Variants in SELPLG observed in about 807,000 individuals in gnomAD.
SELPLG encodes the protein selectin P ligand.
Under a neutral mutation model 1.1 loss-of-function variants are expected in SELPLG, and 2 were observed. That is an observed-to-expected ratio of 1.82 (90% confidence interval 0.74 to 5.71). The LOEUF (loss-of-function observed/expected upper bound fraction) is 5.71, where lower values mean the gene tolerates loss of function less well. Ranked by LOEUF, SELPLG falls within the 30% of genes most tolerant of loss-of-function variation. SELPLG has a pLI of 0.05. For synonymous variants in SELPLG, 230 were observed against 221.2 expected (o/e 1.04, Z -0.35); for missense variants, 478 against 524.7 (o/e 0.91, Z 0.87).
rs769253606 is a variant in SELPLG, at chr12:108,624,216, G to C, written c.92C>G (p.Ala31Gly). The change falls in exon 2 of 2, where the codon GCC becomes GGC. Residue 31 changes from alanine to glycine, a missense_variant. Transcript: ENST00000550948. ...WDTWADEAEKALGPLLARDRR... is the reference protein window; with the variant it reads ...WDTWADEAEKGLGPLLARDRR... ...GTCCCGGGCAAGCAGGGGACCCAAG[G>C]CTTTCTCGGCTTCATCTGCCCAGGT... The C allele has an allele frequency of 2.5e-6, 4 of 1,614,102 alleles. No individual in the cohort carries two copies. In the African/African-American group the frequency reaches 5.3e-5, roughly 22 times the overall value.
chr12:108,623,093 G>A lies in SELPLG; in HGVS notation c.1215C>T (p.Leu405=), dbSNP rs775356249. ...EPREDREGDD[L]TLHSFLP Reference sequence around the variant, plus strand: ...GCTAAGGGAGGAAGCTGTGCAGGGTGAGGTCATCCCCCTCACGGTCCTCCC... The same window carrying A: ...GCTAAGGGAGGAAGCTGTGCAGGGTAAGGTCATCCCCCTCACGGTCCTCCC... Residue 405 remains leucine, a synonymous_variant, in exon 2 of 2, where the codon CTC becomes CTT. Coordinates refer to ENST00000550948, the MANE Select transcript of SELPLG (RefSeq NM_003006.4). 6.6e-6 allele frequency: 10 copies of A among 1,523,768 alleles called. No individual in the cohort carries two copies. The highest frequency in any genetic ancestry group is 1.4e-5 in the African/African-American group (1 of 72,170). The allele number at this position is 1,523,768 out of a possible 1,614,324, so 94.4% of individuals were successfully genotyped here. A position where few individuals can be genotyped will look rare whatever the true frequency, so the allele number is the denominator to read the frequency against.
Position 108,623,193 on chromosome 12 carries a change from C to A in SELPLG, c.1115G>T (p.Gly372Val), listed in dbSNP as rs774445083. The A allele has an allele frequency of 6.2e-7, 1 of 1,613,982 alleles. No homozygotes were observed. The highest frequency in any genetic ancestry group is 1.7e-5 in the Admixed American group (1 of 59,992). Residue 372 changes from glycine to valine, a missense_variant, in exon 2 of 2, where the codon GGG becomes GTG. By Grantham distance (109) the Gly-to-Val change is moderately radical. Coordinates refer to ENST00000550948, the MANE Select transcript of SELPLG (RefSeq NM_003006.4). ...MVCISSLLPD[G>V]GEGPSATANG... ...GGCTGTGGCAGAGGGCCCCTCACCC[C>A]CATCAGGCAACAGGGATGAGATGCA...
In SELPLG at chr12:108,632,148, G is replaced by A. The variant is rs927127209; in HGVS notation, c.-6+1592C>T. 7.0e-5 allele frequency: 39 copies of A among 556,502 alleles called. No homozygotes were observed. The Admixed American group carries it at 7.0e-4, about 10-fold the overall frequency. The allele number at this position is 556,502 out of a possible 1,614,324, so 34.5% of individuals were successfully genotyped here. On this transcript the variant is annotated intron_variant, in intron 1 of 1. Transcript: ENST00000550948. Reference sequence around the variant, plus strand: ...CAACCCAGCCCTTCCGCTCTCTGAGGTTTAACTCCCCTGGCTGCTGGCCAA... The same window carrying A: ...CAACCCAGCCCTTCCGCTCTCTGAGATTTAACTCCCCTGGCTGCTGGCCAA...
rs1565888198 is a variant in SELPLG at position 108,623,330 on chromosome 12, G to A, written c.978C>T (p.Ile326=). 6.2e-7 allele frequency: 1 copy of A among 1,614,276 alleles called. No homozygotes were observed. The highest frequency in any genetic ancestry group is 8.5e-7 in the Non-Finnish European group (1 of 1,180,052). The change falls in exon 2 of 2, where the codon ATC becomes ATT. Residue 326 remains isoleucine, a synonymous_variant. Coordinates refer to ENST00000550948, the MANE Select transcript of SELPLG (RefSeq NM_003006.4). ...SVKQCLLAIL[I]LALVATIFFV... is the part of the protein sequence containing the mutation. ...AGAAGATAGTGGCCACCAGCGCCAA[G>A]ATTAGGATGGCCAGCAGGCACTGCT...
In SELPLG at chr12:108,632,374, A is replaced by C. The variant is rs551327355; in HGVS notation, c.-6+1366T>G. On this transcript the variant is annotated intron_variant, in intron 1 of 1. Coordinates refer to ENST00000550948, the MANE Select transcript of SELPLG (RefSeq NM_003006.4). ...AGAATTCCAGGCAACAGAAGCCCAG[A>C]TATCGACAATATGGGGTGTGTGTGT... 6.2e-5 allele frequency among the ~76,000 whole-genome samples: 9 copies of C among 144,646 alleles called. No individual in the cohort carries two copies. In the Admixed American group the frequency reaches 6.4e-4, roughly 10 times the overall value. 94.9% of individuals were successfully genotyped at this position (144,646 alleles called of 152,430 possible).
chr12:108,625,818 G>A (rs577302210), intron 1 of SELPLG, among the ~76,000 whole-genome samples: 9 of 152,158 alleles, frequency 5.9e-5, no homozygotes, highest in Non-Finnish European at 4.4e-5. Flanking sequence ...AAAATTCTAT[G>A]CTGAGAATCC....
Position 108,623,580 on chromosome 12 carries a change from G to T in SELPLG, c.728C>A (p.Thr243Asn). 6.2e-7 allele frequency: 1 copy of T among 1,613,396 alleles called. No individual in the cohort carries two copies. ...TTAPEATEAQTTQPTATEAQT... is the reference protein window; with the variant it reads ...TTAPEATEAQNTQPTATEAQT... Reference sequence around the variant, plus strand: ...TGCCTCCGTGGCTGTGGGTTGAGTGGTCTGTGCCTCCGTGGCTTCTGGTGC... The same window carrying T: ...TGCCTCCGTGGCTGTGGGTTGAGTGTTCTGTGCCTCCGTGGCTTCTGGTGC... Residue 243 changes from threonine (T) to asparagine (N), a missense_variant, in exon 2 of 2, where the codon ACC (threonine) becomes AAC (asparagine). Transcript: ENST00000550948.
chr12:108,631,855 A>G (rs2032061532), intron 1 of SELPLG: 2 of 1,529,746 alleles, frequency 1.3e-6, no homozygotes, highest in Non-Finnish European at 8.8e-7. Context: ...CAACACACAC[A>G]CACCAGCCAT....
Position 108,622,928 on chromosome 12 carries a change from G to A in SELPLG, c.*141C>T, listed in dbSNP as rs2031847760. 4.6e-6 allele frequency: 4 copies of A among 877,312 alleles called. No individual in the cohort carries two copies. The highest frequency in any genetic ancestry group is 6.6e-6 in the Non-Finnish European group (4 of 607,344). The allele number at this position is 877,312 out of a possible 1,614,324, so 54.3% of individuals were successfully genotyped here. A position where few individuals can be genotyped will look rare whatever the true frequency, so the allele number is the denominator to read the frequency against. On this transcript the variant is annotated 3_prime_UTR_variant, in exon 2 of 2. Coordinates refer to ENST00000550948, the MANE Select transcript of SELPLG (RefSeq NM_003006.4). ...AGGCTGCTCTTGTCCTGTTTGGGTG[G>A]CCAGAGTTCCTTCCCTGAAGATCCC...
In SELPLG at chr12:108,623,921, C is replaced by T. The variant is rs774163221; in HGVS notation, c.387G>A (p.Thr129=). ...MEIQTTQPAA[T]EAQTTQPVPT... is the part of the protein sequence containing the mutation. ...GCACTGGTTGAGTGGTCTGTGCCTC[C>T]GTGGCTGCTGGTTGAGTGGTCTGTA... Residue 129 remains threonine (T), a synonymous_variant, in exon 2 of 2, where the codon ACG becomes ACA. Transcript: ENST00000550948. 37 of 1,608,778 alleles carry T rather than the reference C, an allele frequency of 2.3e-5. No homozygotes were observed. The highest frequency in any genetic ancestry group is 1.1e-4 in the South Asian group (10 of 90,578).
In SELPLG at chr12:108,624,178, T is replaced by C. The variant is rs754778191; in HGVS notation, c.130A>G (p.Thr44Ala). 2.5e-6 allele frequency: 4 copies of C among 1,614,074 alleles called. No individual in the cohort carries two copies. The Admixed American group carries it at 6.7e-5, about 27-fold the overall frequency. ...PLLARDRRQATEYEYLDYDFL... is the reference protein window; with the variant it reads ...PLLARDRRQAAEYEYLDYDFL... ...TCATAATCTAGGTACTCATATTCGG[T>C]GGCCTGTCTCCGGTCCCGGGCAAGC... The change falls in exon 2 of 2, where the codon ACC becomes GCC. Residue 44 changes from threonine (T) to alanine (A), a missense_variant. Thr to Ala is a moderately conservative substitution (Grantham distance 58). Transcript: ENST00000550948.
At chr12:108,629,170 C>A (rs541743018) in intron 1 of SELPLG, among the ~76,000 whole-genome samples, 7 of 152,166 alleles carry the variant, frequency 4.6e-5, no homozygotes, top group Non-Finnish European at 1.0e-4. Context: ...TATGATAAGA[C>A]CTGGTACATT....
At chr12:108,624,865 T>C (rs1288679989) in intron 1 of SELPLG, among the ~76,000 whole-genome samples, 1 of 152,078 alleles carries the variant, frequency 6.6e-6, no homozygotes, top group Non-Finnish European at 1.5e-5. Context: ...AATTTGTGTA[T>C]TTTTAGTAGA....
chr12:108,632,392 GTGT>G (rs1565891109), intron 1 of SELPLG, among the ~76,000 whole-genome samples: 442 of 14,320 alleles, frequency 0.031, 4 homozygotes, highest in African/African-American at 0.059. Context: ...AATATGGGGT[GTGT>G]GTGTGTGTGT....
At chr12:108,631,406 G>T (rs1646882447) in intron 1 of SELPLG, among the ~76,000 whole-genome samples, 1 of 152,046 alleles carries the variant, frequency 6.6e-6, no homozygotes, top group African/African-American at 2.4e-5. Context: ...CATGCCACCA[G>T]ACCCGGCTAC....
intron 1 of SELPLG, among the ~76,000 whole-genome samples, chr12:108,633,237 G>A (rs986865981): frequency 6.6e-6 from 1 of 152,206 alleles, no homozygotes; most frequent in African/African-American, 2.4e-5. Flanking sequence ...GGGGCTGGTG[G>A]GTCACACCTG....
At chr12:108,627,359 G>A (rs1421303089) in intron 1 of SELPLG, among the ~76,000 whole-genome samples, 4 of 152,188 alleles carry the variant, frequency 2.6e-5, no homozygotes, top group Non-Finnish European at 5.9e-5. Flanking sequence ...ACTTGGGTGG[G>A]AGAGGGAGGG....
At position 108,622,107 on chromosome 12, in the gene SELPLG, A is replaced by G. The variant is rs1322154645; in HGVS notation, c.*962T>C. 6.6e-6 allele frequency among the ~76,000 whole-genome samples: 1 copy of G among 152,174 alleles called. No individual in the cohort carries two copies. The highest frequency in any genetic ancestry group is 2.4e-5 in the African/African-American group (1 of 41,446). On this transcript the variant is annotated 3_prime_UTR_variant, in exon 2 of 2. Coordinates refer to ENST00000550948, the MANE Select transcript of SELPLG (RefSeq NM_003006.4). The stretch of plus-strand genomic sequence containing the variant: ...GATGTACAAGACCCCCTGTTGTCCA[A>G]GAGGCAAAACTGAAGTCAACCTAAC...
At chr12:108,632,804 C>A (rs7310427) in intron 1 of SELPLG, among the ~76,000 whole-genome samples, 3,998 of 152,256 alleles carry the variant, frequency 0.026, 191 homozygotes, top group African/African-American at 0.091. Context: ...GTGTAAGCCA[C>A]TGCACCCAGC....
Sources: allele counts gnomAD v4.1 joint callset (sites outside exome capture counted in the v4.1 genomes callset), GRCh38; gene constraint gnomAD v4.1.1; transcripts MANE v1.5; gene names NCBI Gene and HGNC (gene_info 2026-07-23, HGNC 2026-07-21).